ABCB9: variants seen among roughly 807,000 people sequenced by gnomAD.
ABCB9 encodes the protein ABC-type oligopeptide transporter ABCB9.
Under a neutral mutation model 62.0 loss-of-function variants are expected in ABCB9, and 36 were observed. That is an observed-to-expected ratio of 0.58 (90% CI 0.45 to 0.77). ABCB9 has a LOEUF of 0.77. ABCB9 is among the 30% of genes least tolerant of loss of function. The pLI is 0.00. For missense variants in ABCB9, 943 were observed against 1,054.7 expected (o/e 0.89, Z 1.47); for synonymous variants, 435 against 461.4 (o/e 0.94, Z 0.73).
chr12:122,973,001 CCCA>C (rs1221292953), intron 1 of ABCB9: 1 of 152,212 alleles, frequency 6.6e-6, no homozygotes, highest in Non-Finnish European at 1.5e-5. Context: ...GATTCCTGTA[CCCA>C]CCTCACTTTC....
At chr12:122,969,182 C>T (rs12809967), upstream of ABCB9, among the ~76,000 whole-genome samples, 3 of 85,620 alleles carry the variant, frequency 3.5e-5, no homozygotes, top group Admixed American at 1.1e-4. Flanking sequence ...CCACCCCCCC[C>T]CCCCCCCCGG....
chr12:122,947,429 A>G lies in ABCB9; in HGVS notation c.1053+1195T>C. 1 of 444,548 alleles carries G rather than the reference A, an allele frequency of 2.2e-6. No homozygotes were observed. The highest frequency in any genetic ancestry group is 4.5e-6 in the Non-Finnish European group (1 of 220,232). The allele number at this position is 444,548 out of a possible 1,614,324, so 27.5% of individuals were successfully genotyped here. A position where few individuals can be genotyped will look rare whatever the true frequency, so the allele number is the denominator to read the frequency against. ...TGGCTTCCTTTGCTACCCTGGTCTCAGGTCACCAACACCAAAGGCTCCAAT... is the reference window on the plus strand; with the variant it reads ...TGGCTTCCTTTGCTACCCTGGTCTCGGGTCACCAACACCAAAGGCTCCAAT... On this transcript the variant is annotated intron_variant, in intron 5 of 11. Transcript: ENST00000280560. The surrounding 1 kb of genome is among the most constrained non-coding windows in gnomAD (Gnocchi z 6.0).
At chr12:122,935,101 G>A (rs1263907622) in intron 10 of ABCB9, among the ~76,000 whole-genome samples, 171 bp downstream of exon 10, 1 of 152,116 alleles carries the variant, frequency 6.6e-6, no homozygotes, top group Non-Finnish European at 1.5e-5. Flanking sequence ...TTTGGGGATT[G>A]CAGGAAGATT....
intron 11 of ABCB9, among the ~76,000 whole-genome samples, chr12:122,922,354 AT>A (rs954083568): frequency 4.0e-5 from 6 of 151,898 alleles, no homozygotes; most frequent in African/African-American, 1.2e-4. Flanking sequence ...AGTCTTTTTA[AT>A]TTTTTTATTT....
At chr12:122,933,543 G>A (rs111297701) in intron 10 of ABCB9, among the ~76,000 whole-genome samples, 1,540 of 151,206 alleles carry the variant, frequency 0.01, 23 homozygotes, top group African/African-American at 0.035. Context: ...GACAGAGCGA[G>A]ACTCCATCTC....
At chr12:122,965,542 G>C (rs2037125040) in intron 1 of ABCB9, among the ~76,000 whole-genome samples, 1 of 152,180 alleles carries the variant, frequency 6.6e-6, no homozygotes, top group African/African-American at 2.4e-5. Context: ...GCCTCACTCT[G>C]GGACTTGAGA....
Position 122,930,134 on chromosome 12 carries a change from G to A in ABCB9, c.2078C>T (p.Thr693Met), listed in dbSNP as rs1245844695. 3.9e-6 allele frequency: 6 copies of A among 1,552,840 alleles called. No individual in the cohort carries two copies. Among genetic ancestry groups the A allele is most frequent in the Non-Finnish European group, 3.5e-6 (4 of 1,147,766 alleles). The stretch of plus-strand genomic sequence containing the variant: ...CAGCCGGTGCGCGATGATGAGTACC[G>A]TGTGCTTCTGCAGGTTGCCATGGAT... ...QAIHGNLQKH[T>M]VLIIAHRLST... The change falls in exon 12 of 12, where the codon ACG (threonine) becomes ATG (methionine). Residue 693 changes from threonine (T) to methionine (M), a missense_variant. Thr to Met is a moderately conservative substitution (Grantham distance 81). Coordinates refer to ENST00000280560, the MANE Select transcript of ABCB9 (RefSeq NM_019625.4). The surrounding 1 kb of genome is among the most constrained non-coding windows in gnomAD (Gnocchi z 4.9).
At chr12:122,927,323 C>T (rs146903396), downstream of ABCB9, among the ~76,000 whole-genome samples, 2,365 of 152,226 alleles carry the variant, frequency 0.016, 36 homozygotes, top group Non-Finnish European at 0.026. Context: ...AGGCGTGTGC[C>T]AACACGCCCG....
chr12:122,954,169 C>T (rs2135883890), intron 2 of ABCB9, among the ~76,000 whole-genome samples: 1 of 144,814 alleles, frequency 6.9e-6, no homozygotes, highest in African/African-American at 2.6e-5. Context: ...GAGGCCCTGC[C>T]TCAAAAAAAA....
chr12:122,929,877 C>T lies in ABCB9; in HGVS notation c.*34G>A, dbSNP rs1566150724. 2 of 1,505,570 alleles carry T rather than the reference C, an allele frequency of 1.3e-6. No individual in the cohort carries two copies. The highest frequency in any genetic ancestry group is 1.8e-6 in the Non-Finnish European group (2 of 1,128,908). 93.3% of individuals were successfully genotyped at this position (1,505,570 alleles called of 1,614,324 possible). On this transcript the variant is annotated 3_prime_UTR_variant, in exon 12 of 12. Coordinates refer to ENST00000280560, the MANE Select transcript of ABCB9 (RefSeq NM_019625.4). This position sits in a 1 kb window ranked among gnomAD's most constrained non-coding sequence, Gnocchi z 6.0. ...CACATCTGCCAGGCAGGCACCGGGT[C>T]CTCTGCCCCACCGGGAGAAGCAGGG... is the stretch of plus-strand genomic sequence containing the variant.
At chr12:122,946,494 C>T (rs2036053878) in intron 5 of ABCB9, 1 of 501,586 alleles carries the variant, frequency 2.0e-6, no homozygotes, top group Non-Finnish European at 3.6e-6. Flanking sequence ...AAGTCATCCC[C>T]AGTATTCAAA....
Position 122,930,155 on chromosome 12 carries a change from T to C in ABCB9, c.2057A>G (p.His686Arg), listed in dbSNP as rs1413265700. ...TACCGTGTGCTTCTGCAGGTTGCCA[T>C]GGATGGCCTGCTGGATCTGCGGGGA... ...ESEYLIQQAI[H>R]GNLQKHTVLI... is the part of the protein sequence containing the mutation. The change falls in exon 12 of 12, where the codon CAT becomes CGT. Residue 686 changes from histidine to arginine, a missense_variant. His to Arg is a conservative substitution (Grantham distance 29). Transcript: ENST00000280560. The surrounding 1 kb of genome is among the most constrained non-coding windows in gnomAD (Gnocchi z 4.9). The C allele has an allele frequency of 6.5e-7, 1 of 1,548,844 alleles. No homozygotes were observed. The highest frequency in any genetic ancestry group is 8.7e-7 in the Non-Finnish European group (1 of 1,144,970).
intron 2 of ABCB9, among the ~76,000 whole-genome samples, chr12:122,955,672 G>A (rs2036578907): frequency 6.6e-6 from 1 of 152,056 alleles, no homozygotes; most frequent in South Asian, 2.1e-4. Context: ...ATGAGCCACT[G>A]TGCCCAGCAT....
At position 122,959,593 on chromosome 12, in the gene ABCB9, T is replaced by C. The variant is rs1377095535; in HGVS notation, c.601+42A>G. 14 of 1,512,662 alleles carry C rather than the reference T, an allele frequency of 9.3e-6. No homozygotes were observed. Among genetic ancestry groups the C allele is most frequent in the Non-Finnish European group, 1.2e-5 (14 of 1,130,326 alleles). 93.7% of individuals were successfully genotyped at this position (1,512,662 alleles called of 1,614,324 possible). ...TCTAAGGCAGTCATATCCACCTAAT[T>C]TGATGTTCTGGTGGCCACATGTCCC... is the stretch of plus-strand genomic sequence containing the variant. On this transcript the variant is annotated intron_variant, in intron 2 of 11. Coordinates refer to ENST00000280560, the MANE Select transcript of ABCB9 (RefSeq NM_019625.4). This position sits in a 1 kb window ranked among gnomAD's most constrained non-coding sequence, Gnocchi z 5.4.
intron 11 of ABCB9, among the ~76,000 whole-genome samples, chr12:122,921,488 A>T (rs1385997883): frequency 6.6e-6 from 1 of 152,068 alleles, no homozygotes; most frequent in Non-Finnish European, 1.5e-5. Flanking sequence ...TTTAAAAAGC[A>T]AACATTGGCC....
chr12:122,950,506 T>C lies in ABCB9; in HGVS notation c.661A>G (p.Ser221Gly). The C allele has an allele frequency of 6.2e-7, 1 of 1,613,400 alleles. No individual in the cohort carries two copies. Among genetic ancestry groups the C allele is most frequent in the East Asian group, 2.2e-5 (1 of 44,880 alleles). ...ACAGCCGTGCTGAACTGATCCATGC[T>C]TTTCTGGATGACGATGCCATCAATG... Reference protein sequence around the residue: ...RAIDGIVIQKSMDQFSTAVVI... With the variant: ...RAIDGIVIQKGMDQFSTAVVI... Residue 221 changes from serine (S) to glycine (G), a missense_variant, in exon 3 of 12, where the codon AGC becomes GGC. Transcript: ENST00000280560.
intron 4 of ABCB9, 129 bp from the exon 5 acceptor site, chr12:122,948,958 G>A (rs1323682506): frequency 2.8e-6 from 2 of 712,368 alleles, no homozygotes; most frequent in Non-Finnish European, 4.3e-6. Context: ...GGGGTTGGGG[G>A]GTGGGGGAGA....
rs767087285 is a variant in ABCB9 at position 122,949,831 on chromosome 12, T to G, written c.804A>C (p.Ser268=). 1 of 1,614,204 alleles carries G rather than the reference T, an allele frequency of 6.2e-7. No individual in the cohort carries two copies. The highest frequency in any genetic ancestry group is 8.5e-7 in the Non-Finnish European group (1 of 1,180,016). ...AGAAGCTTGTCTCCTGGGACACCAG[T>G]GAGCGGAAGAGACAGTTTCGAAGGC... ...NIRLRNCLFR[S]LVSQETSFFD... is the part of the protein sequence containing the mutation. Residue 268 remains serine (S), a synonymous_variant, in exon 4 of 12, where the codon TCA becomes TCC. Coordinates refer to ENST00000280560, the MANE Select transcript of ABCB9 (RefSeq NM_019625.4).
chr12:122,938,592 G>T (rs538221693), intron 9 of ABCB9, among the ~76,000 whole-genome samples: 1 of 152,070 alleles, frequency 6.6e-6, no homozygotes, highest in East Asian at 1.9e-4. Context: ...ACTTTGGGAG[G>T]CCGAGGCGGG....
Sources: allele counts gnomAD v4.1 joint callset (sites outside exome capture counted in the v4.1 genomes callset), GRCh38; gene constraint gnomAD v4.1.1; non-coding constraint Gnocchi (gnomAD v3.1); transcripts MANE v1.5; gene names NCBI Gene and HGNC (gene_info 2026-07-23, HGNC 2026-07-21).